RNF115: variants seen among roughly 807,000 people sequenced by gnomAD.
RNF115 encodes ring finger protein 115, also known as E3 ubiquitin-protein ligase RNF115.
A neutral mutation model predicts 39.2 loss-of-function variants in RNF115; 31 were observed. The ratio of observed to expected loss-of-function variants is 0.79; its 90% CI spans 0.59 to 1.07. The LOEUF is 1.07. Ranked by LOEUF, RNF115 falls within the 50% of genes least tolerant of loss-of-function variation. The pLI is 0.00. For missense variants in RNF115, 384 were observed against 381.7 expected, an observed-to-expected ratio of 1.01 and a Z score of -0.05; for synonymous variants, 124 against 131.0, an observed-to-expected ratio of 0.95 and a Z score of 0.37.
chr1:145,788,724 TTC>T (rs1308074509), intron 2 of RNF115, 182 bp downstream of exon 2: 1 of 692,976 alleles, frequency 1.4e-6, no homozygotes, highest in African/African-American at 1.8e-5. Context: ...CCATTTTTCT[TTC>T]TTTTTCCTCT....
chr1:145,791,221 A>G (rs1648650815), intron 1 of RNF115, among the ~76,000 whole-genome samples: 2 of 151,914 alleles, frequency 1.3e-5, no homozygotes, highest in Non-Finnish European at 2.9e-5. Flanking sequence ...CATACAAAAG[A>G]CATAAACTGG....
At chr1:145,814,704 C>T (rs1204377528) in intron 1 of RNF115, among the ~76,000 whole-genome samples, 1 of 151,900 alleles carries the variant, frequency 6.6e-6, no homozygotes, top group Non-Finnish European at 1.5e-5. Flanking sequence ...AGATTTTTTT[C>T]TTCCTTATAC....
chr1:145,822,048 G>A (rs587651215), intron 1 of RNF115, among the ~76,000 whole-genome samples: 62 of 152,152 alleles, frequency 4.1e-4, no homozygotes, highest in African/African-American at 1.4e-3. Flanking sequence ...GCATTTAGGC[G>A]GGGAGCAGTG....
At chr1:145,795,417 C>T (rs1206114614) in intron 1 of RNF115, among the ~76,000 whole-genome samples, 1 of 152,128 alleles carries the variant, frequency 6.6e-6, no homozygotes. Flanking sequence ...TGTCCCCGCC[C>T]ACGTCCTGCT....
chr1:145,784,728 TA>T, intron 2 of RNF115, 132 bp from the exon 3 acceptor site: 1 of 657,570 alleles, frequency 1.5e-6, no homozygotes, highest in Non-Finnish European at 2.7e-6. Flanking sequence ...CAACACCTAT[TA>T]AAGGAAATTA....
At chr1:145,806,807 T>C (rs186933002) in intron 1 of RNF115, among the ~76,000 whole-genome samples, 1 of 152,172 alleles carries the variant, frequency 6.6e-6, no homozygotes, top group Admixed American at 6.5e-5. Context: ...GTAAACTTCT[T>C]TTGTTTATTT....
At chr1:145,804,990 A>G (rs1649403621) in intron 1 of RNF115, among the ~76,000 whole-genome samples, 1 of 152,164 alleles carries the variant, frequency 6.6e-6, no homozygotes, top group Admixed American at 6.5e-5. Context: ...TTTCAAATTA[A>G]AAAATTGGAA....
chr1:145,748,342 C>CA (rs1657954459), intron 7 of RNF115, among the ~76,000 whole-genome samples: 1 of 152,066 alleles, frequency 6.6e-6, no homozygotes, highest in South Asian at 2.1e-4. Context: ...GGGCCTACTC[C>CA]AAAAAGGCCT....
At chr1:145,815,109 G>C (rs1396399293) in intron 1 of RNF115, among the ~76,000 whole-genome samples, 2 of 152,290 alleles carry the variant, frequency 1.3e-5, no homozygotes, top group Non-Finnish European at 2.9e-5. Flanking sequence ...CTGCTTTTTA[G>C]CTACTTTTAT....
In RNF115 at chr1:145,749,480, C is replaced by T. The variant is rs587649724; in HGVS notation, c.667+927G>A. 3.0e-4 allele frequency among the ~76,000 whole-genome samples: 46 copies of T among 152,284 alleles called. No individual in the cohort carries two copies. The South Asian group carries it at 8.1e-3, about 27-fold the overall frequency. On this transcript the variant is annotated intron_variant, in intron 7 of 8. Transcript: ENST00000582693. ...CCTTACCCAAACCAGGGTCCATTCA[C>T]TATTTCCCTGTCCCTTAAGATGGCA...
At chr1:145,795,191 T>C in intron 1 of RNF115, among the ~76,000 whole-genome samples, 1 of 152,072 alleles carries the variant, frequency 6.6e-6, no homozygotes, top group Middle Eastern at 3.4e-3. Context: ...CCGGAATTGT[T>C]TGATCCTCCC....
chr1:145,811,908 A>AAAAATATAT (rs1553722706), intron 1 of RNF115, among the ~76,000 whole-genome samples: 7 of 55,152 alleles, frequency 1.3e-4, no homozygotes, highest in African/African-American at 3.4e-4. Flanking sequence ...AAAAAAAAAA[A>AAAAATATAT]ATATATATAT....
chr1:145,767,993 GGGGAGA>G (rs145331041), intron 4 of RNF115, among the ~76,000 whole-genome samples: 320 of 150,848 alleles, frequency 2.1e-3, no homozygotes, highest in Admixed American at 3.6e-3. Flanking sequence ...GGGAGACCGT[GGGGAGA>G]GGGAGAGGGA....
chr1:145,808,520 C>T (rs1223573668), intron 1 of RNF115, among the ~76,000 whole-genome samples: 1 of 152,088 alleles, frequency 6.6e-6, no homozygotes, highest in Non-Finnish European at 1.5e-5. Flanking sequence ...TCCTCCTTTG[C>T]CCAACCATTA....
At chr1:145,781,548 G>GAT (rs1648146982) in intron 3 of RNF115, among the ~76,000 whole-genome samples, 1 of 152,006 alleles carries the variant, frequency 6.6e-6, no homozygotes, top group Admixed American at 6.6e-5. Flanking sequence ...CTTAATAATG[G>GAT]CTAAAATGTA....
At chr1:145,748,282 A>C (rs1657952140) in intron 7 of RNF115, among the ~76,000 whole-genome samples, 172 bp from the exon 8 acceptor site, 1 of 152,144 alleles carries the variant, frequency 6.6e-6, no homozygotes, top group Admixed American at 6.5e-5. Flanking sequence ...TTTCAAAATG[A>C]GGGTAAAGGT....
intron 1 of RNF115, among the ~76,000 whole-genome samples, chr1:145,804,169 A>C (rs1454352733): frequency 2.0e-5 from 3 of 152,206 alleles, no homozygotes; most frequent in African/African-American, 7.2e-5. Context: ...CAAAAATTCT[A>C]AGCTCTACAT....
In RNF115 at chr1:145,823,962, C is replaced by G; in HGVS notation, c.-89G>C. 2.1e-6 allele frequency: 2 copies of G among 962,344 alleles called. No homozygotes were observed. The highest frequency in any genetic ancestry group is 2.9e-6 in the Non-Finnish European group (2 of 700,988). 59.6% of individuals were successfully genotyped at this position (962,344 alleles called of 1,614,324 possible). On this transcript the variant is annotated 5_prime_UTR_variant, in exon 1 of 9. Coordinates refer to ENST00000582693, the MANE Select transcript of RNF115 (RefSeq NM_014455.4). ...CCCGAGCTGCAGTCGTCGCCGCCGCCGCCGCCTCGGTGCGGCCCACCGCTT... is the reference window on the plus strand; with the variant it reads ...CCCGAGCTGCAGTCGTCGCCGCCGCGGCCGCCTCGGTGCGGCCCACCGCTT...
At position 145,748,711 on chromosome 1, in the gene RNF115, C is replaced by G. The variant is rs920246845; in HGVS notation, c.668-601G>C. ...CCAGCCTGGCCAAGATGGTAAAAAC[C>G]CTGTCTCTACTAAAAATACAAAGAT... On this transcript the variant is annotated intron_variant, in intron 7 of 8. Coordinates refer to ENST00000582693, the MANE Select transcript of RNF115 (RefSeq NM_014455.4). Among the ~76,000 whole-genome samples the G allele has an allele frequency of 2.0e-5, 3 of 152,004 alleles. No individual in the cohort carries two copies. The South Asian group carries it at 6.2e-4, about 32-fold the overall frequency.
Sources: gnomAD v4.1 joint callset for allele counts (sites outside exome capture counted in the v4.1 genomes callset) on GRCh38, gnomAD v4.1.1 for gene constraint, MANE v1.5 for transcripts, NCBI Gene and HGNC (gene_info 2026-07-23, HGNC 2026-07-21) for gene names.